Variants in MARCHF1 observed in about 807,000 individuals in gnomAD.
MARCHF1 encodes E3 ubiquitin-protein ligase MARCHF1.
MARCHF1 carries 40 observed loss-of-function variants against 54.2 expected under a neutral mutation model. The observed-to-expected ratio is 0.74, with a 90% CI of 0.57 to 0.96. The LOEUF (loss-of-function observed/expected upper bound fraction) is 0.96, where lower values mean the gene tolerates loss of function less well. Ranked by LOEUF, MARCHF1 falls within the 40% of genes least tolerant of loss-of-function variation. The probability of loss-of-function intolerance (pLI) is 0.00; values close to 1 mark genes in which losing one functional copy is unlikely to be tolerated. For synonymous variants in MARCHF1, 236 were observed against 236.3 expected (o/e 1.00, Z 0.01); for missense variants, 586 against 656.5 (o/e 0.89, Z 1.17).
At chr4:163,837,485 C>T (rs879471037) in intron 4 of MARCHF1, among the ~76,000 whole-genome samples, 4 of 152,026 alleles carry the variant, frequency 2.6e-5, no homozygotes, top group Non-Finnish European at 4.4e-5. Context: ...GTGTTAACAA[C>T]ATGAAAATAC....
intron 2 of MARCHF1, among the ~76,000 whole-genome samples, chr4:164,008,323 A>G (rs1184492890): frequency 6.6e-6 from 1 of 152,148 alleles, no homozygotes; most frequent in Non-Finnish European, 1.5e-5. Context: ...CAAAGGTCAC[A>G]AGTATGTAAA....
intron 1 of MARCHF1, among the ~76,000 whole-genome samples, chr4:164,136,270 T>TG (rs1378662955): frequency 7.0e-5 from 3 of 43,150 alleles, no homozygotes; most frequent in South Asian, 6.2e-4. Flanking sequence ...ACAGTTGAAG[T>TG]GGAAAAAAAA....
intron 3 of MARCHF1, among the ~76,000 whole-genome samples, chr4:163,884,297 A>G (rs535414827): frequency 2.0e-5 from 3 of 152,178 alleles, no homozygotes; most frequent in Non-Finnish European, 4.4e-5. Context: ...TCTGATATTA[A>G]GCAAATATAA....
intron 1 of MARCHF1, among the ~76,000 whole-genome samples, chr4:164,360,739 G>A (rs965146973): frequency 6.6e-6 from 1 of 151,942 alleles, no homozygotes; most frequent in African/African-American, 2.4e-5. Flanking sequence ...TCTCTGCTAC[G>A]GTCTCCAAAA....
intron 1 of MARCHF1, among the ~76,000 whole-genome samples, chr4:164,290,376 A>G (rs746497848): frequency 2.0e-5 from 3 of 152,072 alleles, no homozygotes; most frequent in Non-Finnish European, 4.4e-5. Flanking sequence ...CATTATAAGA[A>G]TGTTATATAA....
chr4:164,101,741 C>G (rs1351735654), intron 2 of MARCHF1, among the ~76,000 whole-genome samples: 1 of 144,494 alleles, frequency 6.9e-6, no homozygotes, highest in Non-Finnish European at 1.5e-5. Flanking sequence ...TCCTCACCAG[C>G]AAGGGAACAA....
At chr4:163,727,385 T>G (rs1437705677) in intron 4 of MARCHF1, among the ~76,000 whole-genome samples, 2 of 151,628 alleles carry the variant, frequency 1.3e-5, no homozygotes, top group African/African-American at 4.8e-5. Context: ...TCAGCTCACT[T>G]CAAGCTCCGC....
At chr4:163,668,103 T>A (rs1299601971) in intron 5 of MARCHF1, among the ~76,000 whole-genome samples, 1 of 152,184 alleles carries the variant, frequency 6.6e-6, no homozygotes, top group East Asian at 1.9e-4. Flanking sequence ...TTATTTGACA[T>A]CAACATATGA....
chr4:163,784,814 T>C (rs1299563257), intron 4 of MARCHF1, among the ~76,000 whole-genome samples: 1 of 151,172 alleles, frequency 6.6e-6, no homozygotes, highest in Non-Finnish European at 1.5e-5. Flanking sequence ...AATTTTTAAG[T>C]GAAGGATTTT....
At chr4:164,089,031 T>C (rs1291236439) in intron 2 of MARCHF1, among the ~76,000 whole-genome samples, 1 of 152,196 alleles carries the variant, frequency 6.6e-6, no homozygotes, top group African/African-American at 2.4e-5. Flanking sequence ...ATCCTTCACA[T>C]GCTCCTAAGA....
intron 2 of MARCHF1, among the ~76,000 whole-genome samples, chr4:164,047,167 G>C (rs17578596): frequency 0.12 from 18,736 of 152,136 alleles, 1,331 homozygotes; most frequent in Middle Eastern, 0.19. Flanking sequence ...GACATCCATA[G>C]AGAAGAAACC....
At chr4:164,039,865 C>G (rs946575073) in intron 2 of MARCHF1, among the ~76,000 whole-genome samples, 1 of 151,406 alleles carries the variant, frequency 6.6e-6, no homozygotes, top group Non-Finnish European at 1.5e-5. Context: ...TTACAAACAT[C>G]AGTTCTACCT....
intron 4 of MARCHF1, among the ~76,000 whole-genome samples, chr4:163,764,776 G>A (rs1340304847): frequency 6.6e-6 from 1 of 152,056 alleles, no homozygotes; most frequent in Non-Finnish European, 1.5e-5. Flanking sequence ...TCCCACTTCA[G>A]TTATTGAGGG....
At chr4:164,219,955 A>C (rs529110830) in intron 1 of MARCHF1, among the ~76,000 whole-genome samples, 1 of 152,026 alleles carries the variant, frequency 6.6e-6, no homozygotes, top group African/African-American at 2.4e-5. Context: ...ACAGATTTCT[A>C]TCCCGTAGAT....
In MARCHF1 at chr4:163,737,637, A is replaced by G. The variant is rs184572644; in HGVS notation, c.112-36774T>C. On this transcript the variant is annotated intron_variant, in intron 4 of 9. Transcript: ENST00000514618. ...ATCATTGTTGGACATTTGGGTTTGC[A>G]GCCAAAAAACACATGAAGAAATGCT... Among the ~76,000 whole-genome samples the G allele has an allele frequency of 7.5e-3, 951 of 126,710 alleles. 148 individuals carry two copies. The highest frequency in any genetic ancestry group is 0.012 in the Admixed American group (156 of 12,622). 83.1% of individuals were successfully genotyped at this position (126,710 alleles called of 152,430 possible).
At chr4:164,203,896 G>T (rs527358872) in intron 1 of MARCHF1, among the ~76,000 whole-genome samples, 1 of 152,262 alleles carries the variant, frequency 6.6e-6, no homozygotes, top group South Asian at 2.1e-4. Flanking sequence ...TGTAAAATGT[G>T]TTTTATTCTA....
chr4:164,069,336 G>T (rs183463407), intron 2 of MARCHF1, among the ~76,000 whole-genome samples: 232 of 152,314 alleles, frequency 1.5e-3, no homozygotes, highest in African/African-American at 5.3e-3. Context: ...GCCAGCAGTG[G>T]CAACCCACTT....
chr4:163,757,926 A>G (rs150491273), intron 4 of MARCHF1, among the ~76,000 whole-genome samples: 146 of 152,286 alleles, frequency 9.6e-4, no homozygotes, highest in African/African-American at 3.2e-3. Flanking sequence ...GGTCAAAATG[A>G]TATTTCAGAG....
intron 1 of MARCHF1, among the ~76,000 whole-genome samples, chr4:164,281,097 T>C (rs912939915): frequency 6.6e-6 from 1 of 152,178 alleles, no homozygotes; most frequent in Non-Finnish European, 1.5e-5. Context: ...AGTTGTATTC[T>C]TATATCTGTT....
Sources: gnomAD v4.1 joint callset for allele counts (sites outside exome capture counted in the v4.1 genomes callset) on GRCh38, gnomAD v4.1.1 for gene constraint, MANE v1.5 for transcripts, NCBI Gene and HGNC (gene_info 2026-07-23, HGNC 2026-07-21) for gene names.